The following IL1RAPL1 variants were observed in gnomAD, a reference collection of about 807,000 sequenced individuals.
IL1RAPL1 encodes interleukin 1 receptor accessory protein like 1.
A neutral mutation model predicts 48.4 loss-of-function variants in IL1RAPL1; 3 were observed. The ratio of observed to expected loss-of-function variants is 0.06; its 90% CI spans 0.03 to 0.16. The LOEUF (loss-of-function observed/expected upper bound fraction) is 0.16, where lower values mean the gene tolerates loss of function less well. Among genes scored for constraint, IL1RAPL1 ranks in the 10% least tolerant of loss-of-function variants. The pLI, the probability that IL1RAPL1 is intolerant of heterozygous loss-of-function variation, is 1.00. For missense variants in IL1RAPL1, 349 were observed against 530.6 expected (o/e 0.66, Z 3.36); for synonymous variants, 185 against 187.7 (o/e 0.99, Z 0.12).
At chrX:29,913,111 A>T (rs1932770646) in intron 6 of IL1RAPL1, among the ~76,000 whole-genome samples, 1 of 111,017 alleles carries the variant, frequency 9.0e-6, no homozygotes, top group South Asian at 3.8e-4. Context: ...TCTCCACAAC[A>T]CTAAGGCCCC....
At chrX:29,249,395 GAAAAATTTTTCACAGAT>G (rs1931568919) in intron 2 of IL1RAPL1, among the ~76,000 whole-genome samples, 1 of 111,060 alleles carries the variant, frequency 9.0e-6, no homozygotes, top group African/African-American at 3.3e-5. Context: ...AAACAGGAGA[GAAAAATTTTTCACAGAT>G]ATTTTGACAT....
At chrX:29,521,980 C>T (rs1175817961) in intron 5 of IL1RAPL1, among the ~76,000 whole-genome samples, 1 of 110,749 alleles carries the variant, frequency 9.0e-6, no homozygotes, top group Admixed American at 9.6e-5. Flanking sequence ...TGTCTTATTC[C>T]TTCTGCAAGA....
intron 2 of IL1RAPL1, among the ~76,000 whole-genome samples, chrX:29,071,438 G>C (rs972487174): frequency 8.9e-6 from 1 of 111,974 alleles, no homozygotes; most frequent in Non-Finnish European, 1.9e-5. Flanking sequence ...ACAGTGCTAG[G>C]ATGTCTGCAT....
chrX:28,842,362 A>C (rs1921395925), intron 2 of IL1RAPL1, among the ~76,000 whole-genome samples: 1 of 111,276 alleles, frequency 9.0e-6, no homozygotes, highest in Non-Finnish European at 1.9e-5. Context: ...CAACCTGTAT[A>C]AAAAATATAG....
At chrX:29,839,393 A>G (rs111721692) in intron 6 of IL1RAPL1, among the ~76,000 whole-genome samples, 2 of 112,184 alleles carry the variant, frequency 1.8e-5, no homozygotes, top group African/African-American at 6.5e-5. Context: ...AAATATTCTA[A>G]TATGAGAACA....
At chrX:28,807,011 A>G (rs1311226738) in intron 2 of IL1RAPL1, among the ~76,000 whole-genome samples, 1 of 111,370 alleles carries the variant, frequency 9.0e-6, no homozygotes, top group Non-Finnish European at 1.9e-5. Flanking sequence ...GACTATCTAC[A>G]GAAGCTAATT....
At chrX:29,703,452 C>G (rs1014491013) in intron 6 of IL1RAPL1, among the ~76,000 whole-genome samples, 1 of 110,818 alleles carries the variant, frequency 9.0e-6, no homozygotes, top group African/African-American at 3.3e-5. Context: ...ACACCATTCT[C>G]CTGCCTTAGC....
chrX:29,383,119 T>G (rs759579539), intron 3 of IL1RAPL1, among the ~76,000 whole-genome samples: 1 of 112,269 alleles, frequency 8.9e-6, no homozygotes, highest in Non-Finnish European at 1.9e-5. Context: ...GTAGTGAAGT[T>G]GACCATAATC....
Position 28,849,646 on chromosome X carries a change from A to G in IL1RAPL1, c.82+60221A>G, listed in dbSNP as rs1413379858. Among the ~76,000 whole-genome samples the G allele has an allele frequency of 3.6e-5, 4 of 112,211 alleles. No homozygotes were observed. In the Admixed American group the frequency reaches 3.8e-4, roughly 11 times the overall value. On this transcript the variant is annotated intron_variant, in intron 2 of 10. Transcript: ENST00000378993. ...CTTGGATTGTGTCTTACCAGGGTGC[A>G]TAGATGTAACCAACCTAAGCCAGCC...
intron 5 of IL1RAPL1, among the ~76,000 whole-genome samples, chrX:29,430,953 C>T (rs942409282): frequency 9.0e-6 from 1 of 110,753 alleles, no homozygotes; most frequent in Middle Eastern, 4.6e-3. Context: ...TACTAGGGTG[C>T]GAATTCTAGC....
At chrX:29,583,599 C>T (rs1923052359) in intron 5 of IL1RAPL1, among the ~76,000 whole-genome samples, 1 of 64,132 alleles carries the variant, frequency 1.6e-5, no homozygotes, top group Non-Finnish European at 2.8e-5. Context: ...ACATTCCATG[C>T]TCATGGGTAG....
chrX:29,940,104 C>T (rs1211444748), intron 8 of IL1RAPL1, among the ~76,000 whole-genome samples: 1 of 110,942 alleles, frequency 9.0e-6, no homozygotes, highest in Admixed American at 9.6e-5. Flanking sequence ...CTCAGGTGAT[C>T]TGCCCGCCTT....
At chrX:29,017,698 A>C (rs1926272110) in intron 2 of IL1RAPL1, among the ~76,000 whole-genome samples, 1 of 111,725 alleles carries the variant, frequency 9.0e-6, no homozygotes, top group Non-Finnish European at 1.9e-5. Flanking sequence ...TGGTAAGGAC[A>C]ACCACCACTA....
chrX:29,662,004 A>G (rs139058788), intron 5 of IL1RAPL1, among the ~76,000 whole-genome samples: 642 of 111,440 alleles, frequency 5.8e-3, no homozygotes, highest in Non-Finnish European at 9.0e-3. Context: ...CCAAAATGCC[A>G]GAGTGATACC....
chrX:29,028,292 G>GTTTTTTTTTTTT (rs775964789), intron 2 of IL1RAPL1, among the ~76,000 whole-genome samples: 1 of 80,190 alleles, frequency 1.2e-5, no homozygotes, highest in Non-Finnish European at 2.5e-5. Context: ...TTTTTTGTTT[G>GTTTTTTTTTTTT]TTTTTTTTTT....
At chrX:29,320,599 A>G (rs1358897099) in intron 3 of IL1RAPL1, among the ~76,000 whole-genome samples, 1 of 110,220 alleles carries the variant, frequency 9.1e-6, no homozygotes, top group Non-Finnish European at 1.9e-5. Context: ...ACATGGCAAA[A>G]CCCCGTTTTT....
At chrX:28,668,345 G>A (rs952989854) in intron 1 of IL1RAPL1, among the ~76,000 whole-genome samples, 12 of 110,993 alleles carry the variant, frequency 1.1e-4, no homozygotes, top group Non-Finnish European at 1.5e-4. Context: ...TGCAACCTCT[G>A]CCTCCTGGGT....
intron 2 of IL1RAPL1, among the ~76,000 whole-genome samples, chrX:29,191,263 C>T (rs1379985449): frequency 1.8e-5 from 2 of 111,725 alleles, no homozygotes; most frequent in South Asian, 3.7e-4. Context: ...ATAAGCACTA[C>T]GTATATAATG....
intron 1 of IL1RAPL1, among the ~76,000 whole-genome samples, chrX:28,686,915 CAAACTT>C (rs1935117608): frequency 9.0e-6 from 1 of 111,626 alleles, no homozygotes; most frequent in African/African-American, 3.3e-5. Flanking sequence ...GGAAGTCTGA[CAAACTT>C]AAAACAGCTA....
Sources: gnomAD v4.1 joint callset for allele counts (sites outside exome capture counted in the v4.1 genomes callset) on GRCh38, gnomAD v4.1.1 for gene constraint, MANE v1.5 for transcripts, NCBI Gene and HGNC (gene_info 2026-07-23, HGNC 2026-07-21) for gene names.